The following FSTL5 variants were observed in gnomAD, a reference collection of about 807,000 sequenced individuals.
FSTL5 encodes the protein follistatin like 5.
In FSTL5, 62 loss-of-function variants were observed where a neutral mutation model predicts 89.1. The observed-to-expected ratio is 0.70, with a 90% CI of 0.57 to 0.86. The LOEUF is 0.86. Among genes scored for constraint, FSTL5 ranks in the 40% least tolerant of loss-of-function variants. FSTL5 has a pLI of 0.00. For missense variants in FSTL5, 1,057 were observed against 1,001.6 expected, an observed-to-expected ratio of 1.06 and a Z score of -0.75; for synonymous variants, 383 against 346.2, an observed-to-expected ratio of 1.11 and a Z score of -1.18.
intron 6 of FSTL5, among the ~76,000 whole-genome samples, chr4:161,724,818 A>T (rs922589238): frequency 3.3e-4 from 51 of 152,318 alleles, no homozygotes; most frequent in African/African-American, 1.2e-3. Flanking sequence ...TTAATATAAA[A>T]GTACTCAATG....
At chr4:161,535,330 C>T (rs1411396223) in intron 10 of FSTL5, among the ~76,000 whole-genome samples, 2 of 152,018 alleles carry the variant, frequency 1.3e-5, no homozygotes, top group African/African-American at 4.8e-5. Context: ...GTAAACTATG[C>T]AAGCAATAAA....
intron 7 of FSTL5, among the ~76,000 whole-genome samples, chr4:161,607,329 A>G (rs17041235): frequency 0.049 from 7,508 of 152,222 alleles, 600 homozygotes; most frequent in African/African-American, 0.17. Flanking sequence ...GCTAGATGAC[A>G]CTGCTGTTGT....
intron 3 of FSTL5, among the ~76,000 whole-genome samples, chr4:161,964,377 T>A (rs1049057800): frequency 5.3e-5 from 8 of 152,036 alleles, no homozygotes; most frequent in African/African-American, 1.9e-4. Flanking sequence ...GTGCAGCAGC[T>A]CCTTAAACAT....
At chr4:161,916,855 T>C (rs992640957) in intron 4 of FSTL5, among the ~76,000 whole-genome samples, 8 of 152,148 alleles carry the variant, frequency 5.3e-5, no homozygotes, top group Non-Finnish European at 8.8e-5. Context: ...AAAAAATATT[T>C]TATATAGAAA....
At chr4:161,976,273 T>C (rs1386271993) in intron 3 of FSTL5, among the ~76,000 whole-genome samples, 1 of 152,166 alleles carries the variant, frequency 6.6e-6, no homozygotes, top group East Asian at 1.9e-4. Flanking sequence ...CATCTGACTT[T>C]CTTCACTACA....
chr4:161,877,482 T>G (rs1732484623), intron 4 of FSTL5, among the ~76,000 whole-genome samples: 1 of 151,702 alleles, frequency 6.6e-6, no homozygotes, highest in Admixed American at 6.6e-5. Flanking sequence ...AATATACATT[T>G]AAATTTTGCA....
Position 161,699,840 on chromosome 4 carries a change from A to G in FSTL5, c.728-43346T>C, listed in dbSNP as rs533909322. Among the ~76,000 whole-genome samples, 20 of 152,290 alleles carry G rather than the reference A, an allele frequency of 1.3e-4. No individual in the cohort carries two copies. In the South Asian group the frequency reaches 3.1e-3, roughly 24 times the overall value. The stretch of plus-strand genomic sequence containing the variant: ...AATGATTTAGAACCTAGAACAGGAA[A>G]TGAAACAGCAACCAAGATCCTCTAT... On this transcript the variant is annotated intron_variant, in intron 6 of 15. Transcript: ENST00000306100.
At chr4:161,746,893 C>G (rs918199416) in intron 6 of FSTL5, among the ~76,000 whole-genome samples, 9 of 152,120 alleles carry the variant, frequency 5.9e-5, no homozygotes, top group African/African-American at 2.2e-4. Context: ...ATTTCCCACA[C>G]TTTTGGCTTT....
At chr4:161,802,489 G>C (rs143031761) in intron 4 of FSTL5, among the ~76,000 whole-genome samples, 5 of 151,742 alleles carry the variant, frequency 3.3e-5, no homozygotes, top group Middle Eastern at 3.4e-3. Flanking sequence ...CATTCATCTA[G>C]TTAAGGAAAG....
chr4:161,716,852 C>T (rs1298947278), intron 6 of FSTL5, among the ~76,000 whole-genome samples: 1 of 152,042 alleles, frequency 6.6e-6, no homozygotes, highest in Non-Finnish European at 1.5e-5. Context: ...GAGATGATTG[C>T]TGAAGTCTAG....
At chr4:161,401,863 G>T (rs1035615915) in intron 15 of FSTL5, among the ~76,000 whole-genome samples, 4 of 151,926 alleles carry the variant, frequency 2.6e-5, no homozygotes, top group Admixed American at 2.0e-4. Context: ...ACTGAAAATT[G>T]GTTGCAGTTC....
At chr4:162,046,590 A>G (rs913667809) in intron 2 of FSTL5, among the ~76,000 whole-genome samples, 4 of 152,112 alleles carry the variant, frequency 2.6e-5, no homozygotes, top group Admixed American at 2.6e-4. Flanking sequence ...GCTAAATATT[A>G]TAGCTGAAGC....
At chr4:161,472,837 G>C (rs1733995961) in intron 13 of FSTL5, among the ~76,000 whole-genome samples, 1 of 151,562 alleles carries the variant, frequency 6.6e-6, no homozygotes, top group Admixed American at 6.6e-5. Context: ...CAATTCTCCT[G>C]CCTCAGCCTC....
intron 4 of FSTL5, among the ~76,000 whole-genome samples, chr4:161,907,056 G>T (rs921719088): frequency 6.6e-5 from 10 of 151,992 alleles, no homozygotes; most frequent in African/African-American, 2.4e-4. Context: ...GTTTCCACTT[G>T]TTAAAATCTT....
chr4:162,159,564 T>C (rs1261029847), intron 1 of FSTL5, among the ~76,000 whole-genome samples: 6 of 152,058 alleles, frequency 3.9e-5, no homozygotes, highest in African/African-American at 1.4e-4. Flanking sequence ...AGAGTGAAGC[T>C]GTTCTCTTAT....
chr4:161,795,047 G>A (rs867962845), intron 4 of FSTL5, among the ~76,000 whole-genome samples: 18 of 151,738 alleles, frequency 1.2e-4, no homozygotes, highest in African/African-American at 4.3e-4. Context: ...TTATCTGAGT[G>A]CCAGGCGCCT....
At chr4:161,611,593 A>C (rs547965067) in intron 7 of FSTL5, among the ~76,000 whole-genome samples, 3 of 152,288 alleles carry the variant, frequency 2.0e-5, no homozygotes, top group African/African-American at 7.2e-5. Context: ...TGTATATAGA[A>C]GTGAACCAAC....
At chr4:161,540,494 G>C (rs887246084) in intron 9 of FSTL5, among the ~76,000 whole-genome samples, 4 of 152,050 alleles carry the variant, frequency 2.6e-5, no homozygotes, top group Non-Finnish European at 5.9e-5. Context: ...TCTGTTCCTA[G>C]TTTCACCTTG....
intron 1 of FSTL5, among the ~76,000 whole-genome samples, chr4:162,141,666 C>T (rs573915026): frequency 6.6e-6 from 1 of 152,234 alleles, no homozygotes; most frequent in South Asian, 2.1e-4. Context: ...GCAGGACAAG[C>T]ATGTTTTTGG....
Sources: gnomAD v4.1 joint callset for allele counts (sites outside exome capture counted in the v4.1 genomes callset) on GRCh38, gnomAD v4.1.1 for gene constraint, MANE v1.5 for transcripts, NCBI Gene and HGNC (gene_info 2026-07-23, HGNC 2026-07-21) for gene names.